FAM81A: variants seen among roughly 807,000 people sequenced by gnomAD.
FAM81A encodes the protein family with sequence similarity 81 member A.
Under a neutral mutation model 46.7 loss-of-function variants are expected in FAM81A, and 19 were observed. That is an observed-to-expected ratio of 0.41 (90% CI 0.28 to 0.60). The LOEUF (loss-of-function observed/expected upper bound fraction) is 0.60, where lower values mean the gene tolerates loss of function less well. FAM81A is among the 20% of genes least tolerant of loss of function. FAM81A has a pLI of 0.34. For missense variants in FAM81A, 377 were observed against 453.5 expected (o/e 0.83, Z 1.53); for synonymous variants, 183 against 152.9 (o/e 1.20, Z -1.45).
At chr15:59,509,999 G>A (rs138204818) in intron 6 of FAM81A, among the ~76,000 whole-genome samples, 27 of 152,230 alleles carry the variant, frequency 1.8e-4, no homozygotes, top group African/African-American at 5.8e-4. Flanking sequence ...AGGGAATAGA[G>A]GAGAAGCAGT....
intron 1 of FAM81A, among the ~76,000 whole-genome samples, chr15:59,455,087 G>T: frequency 6.8e-6 from 1 of 146,538 alleles, no homozygotes. Flanking sequence ...TTTTTGTAGA[G>T]ATGGCATTTC....
At chr15:59,433,457 G>T (rs2081229924), upstream of FAM81A, among the ~76,000 whole-genome samples, 2 of 152,072 alleles carry the variant, frequency 1.3e-5, no homozygotes. Context: ...TGCTTTCTCT[G>T]CTGGTTGTAC....
chr15:59,516,478 A>G (rs1284759298), intron 7 of FAM81A, among the ~76,000 whole-genome samples, 167 bp from the exon 8 acceptor site: 3 of 152,170 alleles, frequency 2.0e-5, no homozygotes, highest in African/African-American at 7.2e-5. Flanking sequence ...GCCGAAAATC[A>G]TGGATCTGTT....
intron 3 of FAM81A, among the ~76,000 whole-genome samples, chr15:59,480,387 C>G (rs2081834979): frequency 6.6e-6 from 1 of 152,098 alleles, no homozygotes; most frequent in African/African-American, 2.4e-5. Context: ...CTTAGATGTC[C>G]CAGGGGATTG....
At chr15:59,437,869 GA>G (rs1236888542), upstream of FAM81A, among the ~76,000 whole-genome samples, 1 of 152,134 alleles carries the variant, frequency 6.6e-6, no homozygotes, top group Non-Finnish European at 1.5e-5. Flanking sequence ...ATTTTCCAAT[GA>G]GCGAAATCCC....
Position 59,514,406 on chromosome 15 carries a change from G to A in FAM81A, c.768G>A (p.Leu256=), listed in dbSNP as rs1328691796. The change falls in exon 7 of 9, where the codon TTG becomes TTA. Residue 256 remains leucine (L), a synonymous_variant. Transcript: ENST00000288228. Reference sequence around the variant, plus strand: ...TACAGAAAATTGATCAGCTTTCCTTGATTGTTAAGGAAAACAGTGTAGGTA... The same window carrying A: ...TACAGAAAATTGATCAGCTTTCCTTAATTGTTAAGGAAAACAGTGTAGGTA... The part of the protein sequence containing the change: ...ELLQKIDQLS[L]IVKENSGASE... 6.2e-7 allele frequency: 1 copy of A among 1,613,000 alleles called. No homozygotes were observed. Among genetic ancestry groups the A allele is most frequent in the South Asian group, 1.1e-5 (1 of 90,988 alleles).
At chr15:59,521,174 A>G (rs1250471725) in intron 8 of FAM81A, 80 bp from the exon 9 acceptor site, 7 of 1,456,182 alleles carry the variant, frequency 4.8e-6, no homozygotes, top group Non-Finnish European at 6.4e-6. Flanking sequence ...GCCTGAATCA[A>G]CCATTACTAG....
At chr15:59,412,716 C>G (rs1275163565) in intron 2 of FAM81A, among the ~76,000 whole-genome samples, 1 of 6,088 alleles carries the variant, frequency 1.6e-4, no homozygotes, top group Non-Finnish European at 4.4e-4. Flanking sequence ...GACCCTGTCA[C>G]AGAAAAAAAA....
At chr15:59,514,923 G>C (rs2082250973) in intron 7 of FAM81A, among the ~76,000 whole-genome samples, 2 of 152,090 alleles carry the variant, frequency 1.3e-5, no homozygotes, top group South Asian at 4.1e-4. Context: ...CAGAGCTAAG[G>C]TTTGTAGAAC....
chr15:59,458,037 A>G (rs1453035753), intron 1 of FAM81A, among the ~76,000 whole-genome samples: 1 of 152,198 alleles, frequency 6.6e-6, no homozygotes, highest in Non-Finnish European at 1.5e-5. Context: ...TGGTGGATAG[A>G]TATCTTCCCA....
At chr15:59,478,971 A>G (rs901493626) in intron 3 of FAM81A, among the ~76,000 whole-genome samples, 1 of 152,216 alleles carries the variant, frequency 6.6e-6, no homozygotes, top group Non-Finnish European at 1.5e-5. Context: ...AGAAGACCAG[A>G]TCCTAGAACA....
chr15:59,520,800 G>A (rs2082319976), intron 8 of FAM81A, among the ~76,000 whole-genome samples: 1 of 152,176 alleles, frequency 6.6e-6, no homozygotes, highest in Non-Finnish European at 1.5e-5. Flanking sequence ...CTGACCTCAG[G>A]TGATCCATCC....
intron 4 of FAM81A, among the ~76,000 whole-genome samples, chr15:59,504,125 A>G (rs190841300): frequency 6.6e-6 from 1 of 152,220 alleles, no homozygotes; most frequent in Middle Eastern, 3.2e-3. Context: ...TTTTAAAAAA[A>G]CTATTATATT....
Position 59,460,214 on chromosome 15 carries a change from T to A in FAM81A, c.294+8T>A. The A allele has an allele frequency of 6.2e-7, 1 of 1,614,036 alleles. No homozygotes were observed. The highest frequency in any genetic ancestry group is 8.5e-7 in the Non-Finnish European group (1 of 1,179,898). On this transcript the variant is annotated splice_region_variant and intron_variant, in intron 3 of 8. Coordinates refer to ENST00000288228, the MANE Select transcript of FAM81A (RefSeq NM_152450.3). This position sits in a 1 kb window ranked among gnomAD's most constrained non-coding sequence, Gnocchi z 4.4. Reference sequence around the variant, plus strand: ...CTTAATCGGGATATCGAGGTAAGGTTTGTGAAAGTCAGGTGGCCTATGTCC... The same window carrying A: ...CTTAATCGGGATATCGAGGTAAGGTATGTGAAAGTCAGGTGGCCTATGTCC...
At chr15:59,499,788 C>G (rs1211790355) in intron 4 of FAM81A, among the ~76,000 whole-genome samples, 1 of 151,486 alleles carries the variant, frequency 6.6e-6, no homozygotes, top group Non-Finnish European at 1.5e-5. Flanking sequence ...TAATATTATT[C>G]TAGTTCCCTT....
chr15:59,479,519 G>GAAAAAAAAAAAAAAAAAAAAA (rs57107735), intron 3 of FAM81A, among the ~76,000 whole-genome samples: 1 of 72,676 alleles, frequency 1.4e-5, no homozygotes, highest in Non-Finnish European at 2.4e-5. Flanking sequence ...TCAAAAATAA[G>GAAAAAAAAAAAAAAAAAAAAA]AAAAAAAAAA....
chr15:59,431,585 C>G (rs560664734), intron 2 of FAM81A, among the ~76,000 whole-genome samples: 1 of 148,790 alleles, frequency 6.7e-6, no homozygotes, highest in Non-Finnish European at 1.5e-5. Context: ...AGGCTGGTCT[C>G]GAATTCCTGG....
chr15:59,466,219 C>T (rs2081611469), intron 3 of FAM81A, among the ~76,000 whole-genome samples: 2 of 152,060 alleles, frequency 1.3e-5, no homozygotes, highest in Admixed American at 1.3e-4. Context: ...GGGTATATAC[C>T]CAGTAATGGG....
chr15:59,497,458 AT>A (rs1454065519), intron 4 of FAM81A, among the ~76,000 whole-genome samples: 11 of 151,968 alleles, frequency 7.2e-5, no homozygotes, highest in African/African-American at 2.7e-4. Flanking sequence ...AAAAAAAAAA[AT>A]TTAAGATCAG....
Sources: gnomAD v4.1 joint callset for allele counts (sites outside exome capture counted in the v4.1 genomes callset) on GRCh38, gnomAD v4.1.1 for gene constraint, Gnocchi (gnomAD v3.1) non-coding constraint, MANE v1.5 for transcripts, NCBI Gene and HGNC (gene_info 2026-07-23, HGNC 2026-07-21) for gene names.